The following RPSA2 variants were observed in gnomAD, a reference collection of about 807,000 sequenced individuals.
RPSA2 encodes small ribosomal subunit protein uS2B.
the RPSA2 span, among the ~76,000 whole-genome samples, chr19:23,792,498 T>C: frequency 2.6e-5 from 4 of 152,146 alleles, no homozygotes; most frequent in African/African-American, 9.7e-5. Flanking sequence ...TTCTAGACTT[T>C]TAAAAATAAA....
At chr19:23,817,360 C>T in the RPSA2 span, among the ~76,000 whole-genome samples, 3 of 152,172 alleles carry the variant, frequency 2.0e-5, no homozygotes, top group South Asian at 6.2e-4. Flanking sequence ...CCAGCCTGGG[C>T]AACAAGTGCG....
At chr19:23,783,499 A>G in the RPSA2 span, among the ~76,000 whole-genome samples, 3 of 143,760 alleles carry the variant, frequency 2.1e-5, no homozygotes, top group Non-Finnish European at 4.5e-5. Flanking sequence ...TTCATTCATT[A>G]TCTTGGTGAT....
chr19:23,774,342 G>T, the RPSA2 span, among the ~76,000 whole-genome samples: 3 of 152,132 alleles, frequency 2.0e-5, no homozygotes, highest in African/African-American at 7.2e-5. Flanking sequence ...TCAAAGTGAT[G>T]TGACTCTCTT....
the RPSA2 span, among the ~76,000 whole-genome samples, chr19:23,761,007 A>ATGTG: frequency 2.9e-4 from 2 of 6,900 alleles, no homozygotes; most frequent in African/African-American, 3.5e-4. Context: ...GTGTATAAAT[A>ATGTG]TATGTGTGTA....
the RPSA2 span, among the ~76,000 whole-genome samples, chr19:23,762,473 C>G: frequency 6.6e-6 from 1 of 151,436 alleles, no homozygotes; most frequent in Non-Finnish European, 1.5e-5. Flanking sequence ...ATCTGGAGTT[C>G]GAGAGCAGCC....
the RPSA2 span, among the ~76,000 whole-genome samples, chr19:23,771,572 CCAGTGTA>C: frequency 6.6e-6 from 1 of 150,474 alleles, no homozygotes; most frequent in East Asian, 2.0e-4. Context: ...CTGCCTGGGC[CCAGTGTA>C]CAGACGGGGT....
At chr19:23,842,749 T>G in the RPSA2 span, 1 of 152,214 alleles carries the variant, frequency 6.6e-6, no homozygotes, top group Non-Finnish European at 1.5e-5. Context: ...TTTTGGGAGT[T>G]TTTGCTCCAC....
chr19:23,862,974 G>T, the RPSA2 span, among the ~76,000 whole-genome samples: 2 of 150,888 alleles, frequency 1.3e-5, no homozygotes, highest in Admixed American at 6.6e-5. Context: ...CACAAACTTG[G>T]TTCACTGCAG....
At chr19:23,841,354 C>T in the RPSA2 span, among the ~76,000 whole-genome samples, 1 of 152,062 alleles carries the variant, frequency 6.6e-6, no homozygotes, top group Non-Finnish European at 1.5e-5. Context: ...GTCCCAGCTA[C>T]TCGGGAGGCT....
chr19:23,808,341 C>G, the RPSA2 span, among the ~76,000 whole-genome samples: 12 of 138,120 alleles, frequency 8.7e-5, no homozygotes, highest in Non-Finnish European at 1.1e-4. Context: ...ATGATCTCGG[C>G]TCACTGCAAC....
the RPSA2 span, chr19:23,827,810 G>T: frequency 1.3e-6 from 2 of 1,576,204 alleles, no homozygotes; most frequent in Non-Finnish European, 1.7e-6. Context: ...AGAGCAGGCT[G>T]CTGCTGAGAA....
chr19:23,828,061 A>G, the RPSA2 span: 14 of 613,176 alleles, frequency 2.3e-5, no homozygotes, highest in African/African-American at 7.4e-5. Context: ...CTGTTCTTGC[A>G]TAGGCTCTTA....
At chr19:23,856,316 C>T in the RPSA2 span, among the ~76,000 whole-genome samples, 1 of 152,140 alleles carries the variant, frequency 6.6e-6, no homozygotes, top group African/African-American at 2.4e-5. Context: ...AGTTCCACAT[C>T]TAACGTTCCC....
At chr19:23,800,547 C>T in the RPSA2 span, among the ~76,000 whole-genome samples, 2 of 152,150 alleles carry the variant, frequency 1.3e-5, no homozygotes, top group Non-Finnish European at 2.9e-5. Flanking sequence ...AGAATTGTGT[C>T]TCTGCCTATT....
the RPSA2 span, among the ~76,000 whole-genome samples, chr19:23,805,182 A>T: frequency 6.7e-6 from 1 of 149,070 alleles, no homozygotes; most frequent in African/African-American, 2.5e-5. Context: ...CTTTTTTTTT[A>T]AGATGGAGTT....
the RPSA2 span, among the ~76,000 whole-genome samples, chr19:23,823,084 A>G: frequency 6.6e-6 from 1 of 152,164 alleles, no homozygotes; most frequent in African/African-American, 2.4e-5. Flanking sequence ...TTGTTTCCTT[A>G]TCTACATTTC....
the RPSA2 span, among the ~76,000 whole-genome samples, chr19:23,805,777 CTT>C: frequency 6.6e-6 from 1 of 152,062 alleles, no homozygotes; most frequent in Admixed American, 6.6e-5. Flanking sequence ...TACTTCTAAA[CTT>C]GTGTTTTTTC....
chr19:23,845,598 C>A, the RPSA2 span, among the ~76,000 whole-genome samples: 17 of 152,296 alleles, frequency 1.1e-4, no homozygotes, highest in South Asian at 3.1e-3. Context: ...CTCAAGTGAT[C>A]TTTTTATCTC....
the RPSA2 span, chr19:23,827,351 G>A: frequency 3.2e-6 from 5 of 1,585,908 alleles, no homozygotes; most frequent in Non-Finnish European, 4.3e-6. Flanking sequence ...GGCAGCTCGT[G>A]CTATTGTTGC....
Sources: allele counts gnomAD v4.1 joint callset (sites outside exome capture counted in the v4.1 genomes callset), GRCh38; gene constraint gnomAD v4.1.1; transcripts MANE v1.5; gene names NCBI Gene and HGNC (gene_info 2026-07-23, HGNC 2026-07-21).